The following FAAH2 variants were observed in gnomAD, a reference collection of about 807,000 sequenced individuals.
FAAH2 encodes fatty-acid amide hydrolase 2.
Under a neutral mutation model 36.9 loss-of-function variants are expected in FAAH2, and 60 were observed. The observed-to-expected ratio is 1.63, with a 90% confidence interval of 1.32 to 2.02. The LOEUF is 2.02. FAAH2 is among the 30% of genes most tolerant of loss of function. The pLI is 0.00. For synonymous variants in FAAH2, 214 were observed against 143.8 expected (o/e 1.49, Z -3.49); for missense variants, 689 against 397.5 (o/e 1.73, Z -6.23).
intron 10 of FAAH2, among the ~76,000 whole-genome samples, chrX:57,463,481 A>G (rs868604335): frequency 4.4e-4 from 49 of 111,309 alleles, no homozygotes; most frequent in Middle Eastern, 4.6e-3. Flanking sequence ...ATAGAACAGA[A>G]CAGAGGCCTT....
the FAAH2 span, among the ~76,000 whole-genome samples, chrX:57,264,175 G>A: frequency 9.0e-6 from 1 of 111,631 alleles, no homozygotes; most frequent in African/African-American, 3.2e-5. Context: ...TCTTAGAATT[G>A]GCATTGAAAA....
intron 7 of FAAH2, among the ~76,000 whole-genome samples, chrX:57,411,627 T>G (rs1410972664): frequency 8.9e-6 from 1 of 112,133 alleles, no homozygotes; most frequent in Non-Finnish European, 1.9e-5. Flanking sequence ...GCTTTGCTGA[T>G]GTACTCTGTT....
the FAAH2 span, among the ~76,000 whole-genome samples, chrX:57,129,591 T>G: frequency 8.9e-6 from 1 of 112,493 alleles, no homozygotes; most frequent in African/African-American, 3.2e-5. Context: ...TGGAAAACAT[T>G]AAATTAATTT....
chrX:57,440,076 G>T (rs1322597013), intron 8 of FAAH2, among the ~76,000 whole-genome samples: 3 of 111,617 alleles, frequency 2.7e-5, no homozygotes, highest in Non-Finnish European at 5.6e-5. Context: ...GATTGACTTG[G>T]TGATGCGGGC....
chrX:57,277,779 A>T, the FAAH2 span, among the ~76,000 whole-genome samples: 34 of 111,982 alleles, frequency 3.0e-4, no homozygotes, highest in Admixed American at 6.6e-4. Flanking sequence ...TACACCAAGA[A>T]CAGACAAACA....
chrX:57,163,695 A>T, the FAAH2 span, among the ~76,000 whole-genome samples: 1 of 112,399 alleles, frequency 8.9e-6, no homozygotes, highest in African/African-American at 3.2e-5. Context: ...TTCTCAAGTG[A>T]GGCAATGCCT....
the FAAH2 span, among the ~76,000 whole-genome samples, chrX:57,160,631 G>A: frequency 8.9e-6 from 1 of 112,132 alleles, no homozygotes; most frequent in Non-Finnish European, 1.9e-5. Context: ...TTTGCCTAGA[G>A]GTGTTTATAG....
intron 8 of FAAH2, among the ~76,000 whole-genome samples, chrX:57,446,077 T>A (rs1340206303): frequency 1.8e-5 from 2 of 112,249 alleles, no homozygotes; most frequent in African/African-American, 6.5e-5. Context: ...TTTCCCTATG[T>A]TGCATACCAC....
At chrX:57,392,782 G>A (rs750220106) in intron 7 of FAAH2, 43 of 619,961 alleles carry the variant, frequency 6.9e-5, no homozygotes, top group African/African-American at 6.8e-4. Flanking sequence ...TGGATGTTGC[G>A]AATGGGCAGA....
At chrX:57,356,621 T>TG (rs2054163339) in intron 5 of FAAH2, among the ~76,000 whole-genome samples, 1 of 110,898 alleles carries the variant, frequency 9.0e-6, no homozygotes, top group Non-Finnish European at 1.9e-5. Flanking sequence ...TTTCTGTTTT[T>TG]AGTTACTTGA....
chrX:57,153,833 G>T, the FAAH2 span, among the ~76,000 whole-genome samples: 7 of 112,581 alleles, frequency 6.2e-5, no homozygotes, highest in South Asian at 2.5e-3. Context: ...AGGACAATTT[G>T]CCTAGGCAAT....
chrX:57,377,085 C>A (rs777007047), intron 5 of FAAH2, among the ~76,000 whole-genome samples: 3 of 112,270 alleles, frequency 2.7e-5, no homozygotes, highest in Admixed American at 9.4e-5. Context: ...CAAAAATGTT[C>A]TCCTATTCTG....
At chrX:57,449,268 T>C (rs2056740478) in intron 10 of FAAH2, among the ~76,000 whole-genome samples, 1 of 112,036 alleles carries the variant, frequency 8.9e-6, no homozygotes, top group African/African-American at 3.2e-5. Flanking sequence ...GTTTCTATGG[T>C]TTCTCCAGAG....
the FAAH2 span, among the ~76,000 whole-genome samples, chrX:57,211,774 A>G: frequency 1.8e-5 from 2 of 111,763 alleles, no homozygotes; most frequent in East Asian, 5.6e-4. Context: ...CATTATTACC[A>G]CAACTGATAT....
At chrX:57,392,729 C>A (rs1016807419) in intron 7 of FAAH2, 2 of 610,019 alleles carry the variant, frequency 3.3e-6, no homozygotes, top group Middle Eastern at 3.1e-4. Context: ...TTGTGCTCAT[C>A]GTTCCTACTA....
chrX:57,328,709 A>C (rs1224033441), intron 3 of FAAH2, among the ~76,000 whole-genome samples: 1 of 111,116 alleles, frequency 9.0e-6, no homozygotes, highest in East Asian at 2.8e-4. Flanking sequence ...TCAACATTTA[A>C]AGTTGTTTTT....
chrX:57,466,445 T>C (rs886256846), intron 10 of FAAH2, among the ~76,000 whole-genome samples: 1 of 91,267 alleles, frequency 1.1e-5, no homozygotes, highest in Non-Finnish European at 2.1e-5. Context: ...GAAAAGTATA[T>C]ATATATATAT....
chrX:57,420,198 G>A (rs1480491808), intron 7 of FAAH2, among the ~76,000 whole-genome samples: 1 of 107,480 alleles, frequency 9.3e-6, no homozygotes, highest in Non-Finnish European at 1.9e-5. Flanking sequence ...ACTTGGCGAT[G>A]TGGGCTCTTT....
chrX:57,137,095 C>T, the FAAH2 span: 94 of 778,877 alleles, frequency 1.2e-4, no homozygotes, highest in African/African-American at 3.4e-4. Context: ...TCCCTGTCGT[C>T]CACCGCACTC....
Sources: allele counts gnomAD v4.1 joint callset (sites outside exome capture counted in the v4.1 genomes callset), GRCh38; gene constraint gnomAD v4.1.1; transcripts MANE v1.5; gene names NCBI Gene and HGNC (gene_info 2026-07-23, HGNC 2026-07-21).